Variants in SLC5A3 observed in about 807,000 individuals in gnomAD.
SLC5A3 encodes the protein sodium/myo-inositol cotransporter.
A neutral mutation model predicts 43.2 loss-of-function variants in SLC5A3; 10 were observed. That is an observed-to-expected ratio of 0.23 (90% CI 0.14 to 0.39). The LOEUF (loss-of-function observed/expected upper bound fraction) is 0.39, where lower values mean the gene tolerates loss of function less well. Among genes scored for constraint, SLC5A3 ranks in the 10% least tolerant of loss-of-function variants. SLC5A3 has a pLI of 1.00. For missense variants in SLC5A3, 608 were observed against 893.4 expected, an observed-to-expected ratio of 0.68 and a Z score of 4.07; for synonymous variants, 349 against 322.0, an observed-to-expected ratio of 1.08 and a Z score of -0.90.
At chr21:34,074,867 G>A (rs1286195515) in intron 1 of SLC5A3, among the ~76,000 whole-genome samples, 1 of 152,174 alleles carries the variant, frequency 6.6e-6, no homozygotes, top group African/African-American at 2.4e-5. Context: ...ATCACGGAGC[G>A]TCGGGAGATT....
intron 1 of SLC5A3, among the ~76,000 whole-genome samples, chr21:34,087,520 G>GT (rs1226082859): frequency 5.3e-5 from 8 of 152,318 alleles, no homozygotes; most frequent in Admixed American, 4.6e-4. Context: ...CAGAAGAAAC[G>GT]TTTAAGTTTT....
In SLC5A3 at chr21:34,104,234, C is replaced by T. The variant is rs1197514745; in HGVS notation, c.*6879C>T. ...CATATTTGCTAGAGGAGCTACTTTGCTTTTCACAATGGGGTGGAGAGGATT... is the reference window on the plus strand; with the variant it reads ...CATATTTGCTAGAGGAGCTACTTTGTTTTTCACAATGGGGTGGAGAGGATT... On this transcript the variant is annotated 3_prime_UTR_variant, in exon 2 of 2. Coordinates refer to ENST00000381151, the MANE Select transcript of SLC5A3 (RefSeq NM_006933.7). 1.0e-6 allele frequency: 1 copy of T among 999,940 alleles called. No individual in the cohort carries two copies. The highest frequency in any genetic ancestry group is 1.2e-6 in the Non-Finnish European group (1 of 829,880). The allele number at this position is 999,940 out of a possible 1,614,324, so 61.9% of individuals were successfully genotyped here. A position where few individuals can be genotyped will look rare whatever the true frequency, so the allele number is the denominator to read the frequency against.
Position 34,099,867 on chromosome 21 carries a change from T to TACTGGGAAGCAATAAGAAA in SLC5A3, c.*2512_*2513insACTGGGAAGCAATAAGAAA. 1 of 409,226 alleles carries TACTGGGAAGCAATAAGAAA rather than the reference T, an allele frequency of 2.4e-6. No homozygotes were observed. Among genetic ancestry groups the TACTGGGAAGCAATAAGAAA allele is most frequent in the Non-Finnish European group, 3.4e-6 (1 of 290,220 alleles). 25.3% of individuals were successfully genotyped at this position (409,226 alleles called of 1,614,324 possible). On this transcript the variant is annotated 3_prime_UTR_variant, in exon 2 of 2. Transcript: ENST00000381151. ...AGTCCCTGAAGCTTGTCTTTCTTAT[T>TACTGGGAAGCAATAAGAAA]GCTTCCCAGTAATAGATAATGTGCT...
In SLC5A3 at chr21:34,097,909, T is replaced by C; in HGVS notation, c.*554T>C. The C allele has an allele frequency of 2.0e-6, 2 of 997,164 alleles. No homozygotes were observed. Among genetic ancestry groups the C allele is most frequent in the Non-Finnish European group, 2.4e-6 (2 of 827,166 alleles). 61.8% of individuals were successfully genotyped at this position (997,164 alleles called of 1,614,324 possible). On this transcript the variant is annotated 3_prime_UTR_variant, in exon 2 of 2. Coordinates refer to ENST00000381151, the MANE Select transcript of SLC5A3 (RefSeq NM_006933.7). ...GTTAGCATGAGCCTACGGATTCTGA[T>C]TTCCCAAAGAAAGAATGTTTTCCTG...
At chr21:34,092,040 G>A (rs2148657959) in intron 1 of SLC5A3, among the ~76,000 whole-genome samples, 1 of 152,108 alleles carries the variant, frequency 6.6e-6, no homozygotes, top group South Asian at 2.1e-4. Flanking sequence ...TCTTCCATGT[G>A]TATTCTTATA....
rs1191131276 is a variant in SLC5A3, at chr21:34,095,076, C to T, written c.-123C>T. 1 of 1,159,252 alleles carries T rather than the reference C, an allele frequency of 8.6e-7. No individual in the cohort carries two copies. The highest frequency in any genetic ancestry group is 1.2e-6 in the Non-Finnish European group (1 of 832,248). 71.8% of individuals were successfully genotyped at this position (1,159,252 alleles called of 1,614,324 possible). On this transcript the variant is annotated 5_prime_UTR_variant, in exon 2 of 2. Transcript: ENST00000381151. ...AAACCAAAGGACAAAGACTTTGACC[C>T]TGCTGTGTTGCTCTGTGTAGTCCAG...
At chr21:34,089,895 A>G (rs1194501435) in intron 1 of SLC5A3, among the ~76,000 whole-genome samples, 2 of 152,240 alleles carry the variant, frequency 1.3e-5, no homozygotes, top group Admixed American at 1.3e-4. Flanking sequence ...TTTATATTTT[A>G]GGGATGGTTA....
In SLC5A3 at chr21:34,104,054, T is replaced by A. The variant is rs1480924003; in HGVS notation, c.*6699T>A. 2.0e-6 allele frequency: 2 copies of A among 1,000,012 alleles called. No individual in the cohort carries two copies. The highest frequency in any genetic ancestry group is 3.5e-5 in the African/African-American group (2 of 57,230). The allele number at this position is 1,000,012 out of a possible 1,614,324, so 61.9% of individuals were successfully genotyped here. A position where few individuals can be genotyped will look rare whatever the true frequency, so the allele number is the denominator to read the frequency against. Reference sequence around the variant, plus strand: ...CCCAAACATGCAGAAAGTCATACTTTAACAGGGCAAATACTACTTGTCTTT... The same window carrying A: ...CCCAAACATGCAGAAAGTCATACTTAAACAGGGCAAATACTACTTGTCTTT... On this transcript the variant is annotated 3_prime_UTR_variant, in exon 2 of 2. Transcript: ENST00000381151.
chr21:34,102,533 C>T lies in SLC5A3; in HGVS notation c.*5178C>T. ...CAAAAACTGTTTGGTATATCTGTAT[C>T]ATTGCTAATCTTGTGCACTTTACTT... On this transcript the variant is annotated 3_prime_UTR_variant, in exon 2 of 2. Coordinates refer to ENST00000381151, the MANE Select transcript of SLC5A3 (RefSeq NM_006933.7). 15 of 999,788 alleles carry T rather than the reference C, an allele frequency of 1.5e-5. No homozygotes were observed. Among genetic ancestry groups the T allele is most frequent in the Non-Finnish European group, 1.8e-5 (15 of 829,560 alleles). The allele number at this position is 999,788 out of a possible 1,614,324, so 61.9% of individuals were successfully genotyped here.
At chr21:34,081,946 A>G (rs1302556904) in intron 1 of SLC5A3, among the ~76,000 whole-genome samples, 2 of 151,360 alleles carry the variant, frequency 1.3e-5, no homozygotes, top group African/African-American at 4.9e-5. Flanking sequence ...GGTGCTTACT[A>G]CTCTGCTCCC....
Position 34,099,576 on chromosome 21 carries a change from A to G in SLC5A3, c.*2221A>G, listed in dbSNP as rs1212418040. The G allele has an allele frequency of 1.0e-6, 1 of 999,752 alleles. No homozygotes were observed. Among genetic ancestry groups the G allele is most frequent in the African/African-American group, 1.7e-5 (1 of 57,194 alleles). 61.9% of individuals were successfully genotyped at this position (999,752 alleles called of 1,614,324 possible). On this transcript the variant is annotated 3_prime_UTR_variant, in exon 2 of 2. Coordinates refer to ENST00000381151, the MANE Select transcript of SLC5A3 (RefSeq NM_006933.7). ...TGGGCAGCCTATCTCTTCCATATCC[A>G]GCGTAAATGAATAGGAGGTGTTTGT...
Position 34,106,080 on chromosome 21 carries a change from T to C in SLC5A3, c.*8725T>C, listed in dbSNP as rs1466158565. On this transcript the variant is annotated 3_prime_UTR_variant, in exon 2 of 2. Transcript: ENST00000381151. ...GTAAAATACACTGTTCTTTGTGTAC[T>C]GTGTGTTATTTTGCCAGCTGCTGCA... The C allele has an allele frequency of 7.0e-6, 7 of 997,122 alleles. No homozygotes were observed. The highest frequency in any genetic ancestry group is 1.2e-6 in the Non-Finnish European group (1 of 827,178). 61.8% of individuals were successfully genotyped at this position (997,122 alleles called of 1,614,324 possible).
chr21:34,091,418 A>G (rs2148657725), intron 1 of SLC5A3, among the ~76,000 whole-genome samples: 1 of 152,276 alleles, frequency 6.6e-6, no homozygotes, highest in South Asian at 2.1e-4. Context: ...TAGTTCCAGA[A>G]TAAGTTTCTG....
At position 34,102,104 on chromosome 21, in the gene SLC5A3, T is replaced by G; in HGVS notation, c.*4749T>G. 1 of 1,000,158 alleles carries G rather than the reference T, an allele frequency of 1.0e-6. No homozygotes were observed. The highest frequency in any genetic ancestry group is 1.7e-5 in the African/African-American group (1 of 57,354). The allele number at this position is 1,000,158 out of a possible 1,614,324, so 62.0% of individuals were successfully genotyped here. A position where few individuals can be genotyped will look rare whatever the true frequency, so the allele number is the denominator to read the frequency against. On this transcript the variant is annotated 3_prime_UTR_variant, in exon 2 of 2. Coordinates refer to ENST00000381151, the MANE Select transcript of SLC5A3 (RefSeq NM_006933.7). ...GGTTAACTTAGGGCTGCAAATCTTT[T>G]TCTTCTGTCAAGGTCACTTAATATG...
chr21:34,105,888 AATC>A lies in SLC5A3; in HGVS notation c.*8536_*8538del. ...GAAATTGTAGATTTAAGATTGTTAA[AATC>A]ATGACAATTCTAACTTGTCTATTCT... On this transcript the variant is annotated 3_prime_UTR_variant, in exon 2 of 2. Coordinates refer to ENST00000381151, the MANE Select transcript of SLC5A3 (RefSeq NM_006933.7). 1.0e-6 allele frequency: 1 copy of A among 989,226 alleles called. No individual in the cohort carries two copies. The highest frequency in any genetic ancestry group is 1.2e-6 in the Non-Finnish European group (1 of 820,042). 61.3% of individuals were successfully genotyped at this position (989,226 alleles called of 1,614,324 possible).
At chr21:34,076,721 A>G (rs1297327700) in intron 1 of SLC5A3, among the ~76,000 whole-genome samples, 1 of 152,244 alleles carries the variant, frequency 6.6e-6, no homozygotes, top group Non-Finnish European at 1.5e-5. Context: ...TATGACGGTA[A>G]AGTAATGGAT....
chr21:34,102,281 GT>G lies in SLC5A3; in HGVS notation c.*4931del. On this transcript the variant is annotated 3_prime_UTR_variant, in exon 2 of 2. Coordinates refer to ENST00000381151, the MANE Select transcript of SLC5A3 (RefSeq NM_006933.7). ...TTATTCACTTAGTAGTCATATAAAT[GT>G]TTTTATTTAAACTTCTCTCTCTTCA... 1.0e-6 allele frequency: 1 copy of G among 999,528 alleles called. No individual in the cohort carries two copies. The highest frequency in any genetic ancestry group is 1.2e-6 in the Non-Finnish European group (1 of 829,480). 61.9% of individuals were successfully genotyped at this position (999,528 alleles called of 1,614,324 possible).
rs150843183 is a variant in SLC5A3, at chr21:34,097,155, C to G, written c.1957C>G (p.Arg653Gly). Residue 653 changes from arginine to glycine, a missense_variant, in exon 2 of 2, where the codon CGG (arginine) becomes GGG (glycine). Physicochemically the swap from Arg to Gly is moderately radical, Grantham distance 125. Coordinates refer to ENST00000381151, the MANE Select transcript of SLC5A3 (RefSeq NM_006933.7). ...ERKKETDDGG[R>G]YWKFIDWFCG... ...AAAGAAAGAAACGGATGATGGAGGT[C>G]GGTACTGGAAGTTCATAGACTGGTT... The G allele has an allele frequency of 2.3e-5, 37 of 1,613,782 alleles. No homozygotes were observed. The South Asian group carries it at 3.6e-4, about 16-fold the overall frequency.
At position 34,102,384 on chromosome 21, in the gene SLC5A3, G is replaced by GT. The variant is rs768627039; in HGVS notation, c.*5032dup. ...GAGAATTGATGTAATTTCTGTTTCT[G>GT]TTTCCATCTAAACTTCTTTATAAAA... On this transcript the variant is annotated 3_prime_UTR_variant, in exon 2 of 2. Transcript: ENST00000381151. 1.0e-5 allele frequency: 10 copies of GT among 999,328 alleles called. No homozygotes were observed. In the East Asian group the frequency reaches 9.4e-4, roughly 94 times the overall value. The allele number at this position is 999,328 out of a possible 1,614,324, so 61.9% of individuals were successfully genotyped here.
Sources: allele counts gnomAD v4.1 joint callset (sites outside exome capture counted in the v4.1 genomes callset), GRCh38; gene constraint gnomAD v4.1.1; transcripts MANE v1.5; gene names NCBI Gene and HGNC (gene_info 2026-07-23, HGNC 2026-07-21).